Variants in IGSF3 observed in about 807,000 individuals in gnomAD.
IGSF3 encodes the protein glu-Trp-Ile EWI motif-containing protein 3.
In IGSF3, 23 loss-of-function variants were observed where a neutral mutation model predicts 114.4. The observed-to-expected ratio is 0.20, with a 90% CI of 0.14 to 0.28. IGSF3 has a LOEUF of 0.28. Among genes scored for constraint, IGSF3 ranks in the 10% least tolerant of loss-of-function variants. IGSF3 has a pLI of 1.00. For missense variants in IGSF3, 1,172 were observed against 1,591.5 expected (o/e 0.74, Z 4.48); for synonymous variants, 571 against 645.2 (o/e 0.88, Z 1.74).
chr1:116,601,761 T>C (rs1571143600), intron 6 of IGSF3, among the ~76,000 whole-genome samples: 1 of 152,278 alleles, frequency 6.6e-6, no homozygotes, highest in East Asian at 1.9e-4. Context: ...CGGAGGCCCA[T>C]CCTTAAACAT....
At position 116,654,141 on chromosome 1, in the gene IGSF3, C is replaced by T. The variant is rs992203941; in HGVS notation, c.43+12143G>A. Among the ~76,000 whole-genome samples the T allele has an allele frequency of 1.3e-5, 2 of 152,224 alleles. No homozygotes were observed. The highest frequency in any genetic ancestry group is 4.8e-5 in the African/African-American group (2 of 41,458). On this transcript the variant is annotated intron_variant, in intron 2 of 10. Transcript: ENST00000369486. The surrounding 1 kb of genome is among the most constrained non-coding windows in gnomAD (Gnocchi z 4.4). Reference sequence around the variant, plus strand: ...GTGAAGCAGAATTCCCAACACACCACCATCTCCAAACCAACACCAAACCAC... The same window carrying T: ...GTGAAGCAGAATTCCCAACACACCATCATCTCCAAACCAACACCAAACCAC...
At position 116,577,526 on chromosome 1, in the gene IGSF3, G is replaced by T; in HGVS notation, c.3371C>A (p.Ala1124Glu). ...TLQSIICSND[A>E]LFYFVFFYPF... ...GTAGAAGAAGACGAAGTAGAAGAGT[G>T]CGTCGTTGGAGCAGATGATGGACTG... The change falls in exon 11 of 11, where the codon GCA (alanine) becomes GAA (glutamate). Residue 1124 changes from alanine (A) to glutamate (E), a missense_variant. By Grantham distance (107) the Ala-to-Glu change is moderately radical. This residue lies in a region of IGSF3 where 423 missense variants were observed against 509.8 expected (regional missense o/e 0.83). Transcript: ENST00000369486. This position sits in a 1 kb window ranked among gnomAD's most constrained non-coding sequence, Gnocchi z 5.7. 6.2e-7 allele frequency: 1 copy of T among 1,614,026 alleles called. No individual in the cohort carries two copies. The highest frequency in any genetic ancestry group is 8.5e-7 in the Non-Finnish European group (1 of 1,179,896).
chr1:116,639,679 A>G (rs563843600), intron 2 of IGSF3, among the ~76,000 whole-genome samples: 3 of 152,250 alleles, frequency 2.0e-5, no homozygotes, highest in Non-Finnish European at 4.4e-5. Context: ...GGCTTTTTCT[A>G]GCTATAAGTG....
At chr1:116,578,215 G>A (rs748054581) in intron 10 of IGSF3, among the ~76,000 whole-genome samples, 2 of 152,176 alleles carry the variant, frequency 1.3e-5, no homozygotes, top group Admixed American at 6.5e-5. Context: ...CCTAGCCTCT[G>A]GGAGCCCCTG....
At position 116,615,729 on chromosome 1, in the gene IGSF3, C is replaced by T. The variant is rs568200600; in HGVS notation, c.421+351G>A. Among the ~76,000 whole-genome samples the T allele has an allele frequency of 2.2e-4, 33 of 152,372 alleles. No homozygotes were observed. Among genetic ancestry groups the T allele is most frequent in the African/African-American group, 7.9e-4 (33 of 41,586 alleles). ...AAAGGCCTATCCTTCTGAGAGGTTTCTCCTCTCTTCCAACTGATGTCATAC... is the reference window on the plus strand; with the variant it reads ...AAAGGCCTATCCTTCTGAGAGGTTTTTCCTCTCTTCCAACTGATGTCATAC... On this transcript the variant is annotated intron_variant, in intron 3 of 10. Coordinates refer to ENST00000369486, the MANE Select transcript of IGSF3 (RefSeq NM_001007237.3). This position sits in a 1 kb window ranked among gnomAD's most constrained non-coding sequence, Gnocchi z 4.3.
chr1:116,660,798 C>T (rs547031658), intron 2 of IGSF3, among the ~76,000 whole-genome samples: 1 of 152,214 alleles, frequency 6.6e-6, no homozygotes, highest in East Asian at 1.9e-4. Context: ...CACCAGACTG[C>T]CAAAAGGATC....
chr1:116,590,064 G>T (rs12033226), intron 7 of IGSF3, among the ~76,000 whole-genome samples: 3 of 152,122 alleles, frequency 2.0e-5, no homozygotes, highest in Non-Finnish European at 2.9e-5. Context: ...TGCTGCGGGC[G>T]GGGGGAGAGG....
At chr1:116,631,429 T>C (rs1647582612) in intron 2 of IGSF3, among the ~76,000 whole-genome samples, 1 of 151,696 alleles carries the variant, frequency 6.6e-6, no homozygotes, top group Non-Finnish European at 1.5e-5. Flanking sequence ...TTGGGAAGAT[T>C]GTTCTGGCAG....
rs1405244990 is a variant in IGSF3, at chr1:116,577,552, G to C, written c.3345C>G (p.Leu1115=). ...CGTCGTTGGAGCAGATGATGGACTG[G>C]AGGGTGGGACCTGAAAAGAATCATG... ...GIRVLDTSPT[L]QSIICSNDAL... Residue 1115 remains leucine, a synonymous_variant, in exon 11 of 11, where the codon CTC becomes CTG. Coordinates refer to ENST00000369486, the MANE Select transcript of IGSF3 (RefSeq NM_001007237.3). The surrounding 1 kb of genome is among the most constrained non-coding windows in gnomAD (Gnocchi z 5.7). 1 of 1,613,864 alleles carries C rather than the reference G, an allele frequency of 6.2e-7. No homozygotes were observed. Among genetic ancestry groups the C allele is most frequent in the Non-Finnish European group, 8.5e-7 (1 of 1,179,966 alleles).
rs112634353 is a variant in IGSF3 at position 116,628,101 on chromosome 1, T to C, written c.44-11644A>G. On this transcript the variant is annotated intron_variant, in intron 2 of 10. Coordinates refer to ENST00000369486, the MANE Select transcript of IGSF3 (RefSeq NM_001007237.3). This position sits in a 1 kb window ranked among gnomAD's most constrained non-coding sequence, Gnocchi z 4.2. Reference sequence around the variant, plus strand: ...AGCCCCAATAACTAGCTCCAGTGTGTGGGCAGAAGTGGAGAGGATGGAGAA... The same window carrying C: ...AGCCCCAATAACTAGCTCCAGTGTGCGGGCAGAAGTGGAGAGGATGGAGAA... 5.5e-3 allele frequency among the ~76,000 whole-genome samples: 836 copies of C among 152,304 alleles called. 9 individuals are homozygous for C. The highest frequency in any genetic ancestry group is 0.019 in the African/African-American group (786 of 41,560).
Position 116,654,064 on chromosome 1 carries a change from G to A in IGSF3, c.43+12220C>T, listed in dbSNP as rs1355899221. 3.3e-5 allele frequency among the ~76,000 whole-genome samples: 5 copies of A among 152,196 alleles called. No individual in the cohort carries two copies. Among genetic ancestry groups the A allele is most frequent in the East Asian group, 3.9e-4 (2 of 5,192 alleles). ...GGGTTACCTAGTTTGGGGTAAGCCC[G>A]GAATGAATATCTGCACCATCATTCC... On this transcript the variant is annotated intron_variant, in intron 2 of 10. Coordinates refer to ENST00000369486, the MANE Select transcript of IGSF3 (RefSeq NM_001007237.3). This position sits in a 1 kb window ranked among gnomAD's most constrained non-coding sequence, Gnocchi z 4.4.
rs138535687 is a variant in IGSF3 at position 116,589,004 on chromosome 1, G to A, written c.2130C>T (p.Asn710=). 10 of 1,614,120 alleles carry A rather than the reference G, an allele frequency of 6.2e-6. No individual in the cohort carries two copies. In the East Asian group the frequency reaches 2.0e-4, roughly 32 times the overall value. Reference sequence around the variant, plus strand: ...CATACCAGAGCACCGCAAAGTGGGAGTTCTGGCTAGTCTGAGACTTGACTG... The same window carrying A: ...CATACCAGAGCACCGCAAAGTGGGAATTCTGGCTAGTCTGAGACTTGACTG... The part of the protein sequence containing the change: ...NCSVKSQTSQ[N]SHFAVLWYVH... The change falls in exon 8 of 11, where the codon AAC becomes AAT. Residue 710 remains asparagine (N), a synonymous_variant. Coordinates refer to ENST00000369486, the MANE Select transcript of IGSF3 (RefSeq NM_001007237.3). The surrounding 1 kb of genome is among the most constrained non-coding windows in gnomAD (Gnocchi z 5.7).
chr1:116,599,279 C>G (rs1457297835), intron 7 of IGSF3, among the ~76,000 whole-genome samples: 3 of 152,070 alleles, frequency 2.0e-5, no homozygotes, highest in African/African-American at 7.2e-5. Flanking sequence ...ATATCACTTC[C>G]ACATAATTGT....
At chr1:116,591,020 T>TA (rs1177657462) in intron 7 of IGSF3, among the ~76,000 whole-genome samples, 1 of 150,680 alleles carries the variant, frequency 6.6e-6, no homozygotes, top group Admixed American at 6.6e-5. Flanking sequence ...AGGCACCACT[T>TA]AGAGAGAAAT....
At position 116,589,376 on chromosome 1, in the gene IGSF3, C is replaced by T. The variant is rs1659992748; in HGVS notation, c.2030-272G>A. Among the ~76,000 whole-genome samples the T allele has an allele frequency of 6.6e-6, 1 of 152,240 alleles. No homozygotes were observed. Among genetic ancestry groups the T allele is most frequent in the African/African-American group, 2.4e-5 (1 of 41,544 alleles). On this transcript the variant is annotated intron_variant, in intron 7 of 10. Transcript: ENST00000369486. This position sits in a 1 kb window ranked among gnomAD's most constrained non-coding sequence, Gnocchi z 5.7. ...CATCACAGGGCCTCCAAGGGTGATC[C>T]TGCTGAAATACAAATCTAGCTATAT...
Position 116,577,220 on chromosome 1 carries a change from C to T in IGSF3, c.*92G>A. 2.1e-6 allele frequency: 3 copies of T among 1,427,632 alleles called. No individual in the cohort carries two copies. The highest frequency in any genetic ancestry group is 2.1e-5 in the Admixed American group (1 of 48,262). 88.4% of individuals were successfully genotyped at this position (1,427,632 alleles called of 1,614,324 possible). A position where few individuals can be genotyped will look rare whatever the true frequency, so the allele number is the denominator to read the frequency against. On this transcript the variant is annotated 3_prime_UTR_variant, in exon 11 of 11. Coordinates refer to ENST00000369486, the MANE Select transcript of IGSF3 (RefSeq NM_001007237.3). This position sits in a 1 kb window ranked among gnomAD's most constrained non-coding sequence, Gnocchi z 5.7. The stretch of plus-strand genomic sequence containing the variant: ...TCTGACAACTTTCCACACACATGCA[C>T]CCCAGAGTTTGGGTGCTGTCAACTG...
rs565451456 is a variant in IGSF3 at position 116,666,613 on chromosome 1, A to T, written c.-287T>A. ...TCGTGTGCCTTGCAGTTTCCACTGA[A>T]ATTGCAGACTGTAGTGGATTAATCC... On this transcript the variant is annotated 5_prime_UTR_variant, in exon 2 of 11. Transcript: ENST00000369486. 5.0e-6 allele frequency: 3 copies of T among 594,678 alleles called. No homozygotes were observed. The East Asian group carries it at 8.3e-5, about 16-fold the overall frequency. The allele number at this position is 594,678 out of a possible 1,614,324, so 36.8% of individuals were successfully genotyped here.
Position 116,595,835 on chromosome 1 carries a change from T to C in IGSF3, c.2029+4106A>G, listed in dbSNP as rs1660320387. Among the ~76,000 whole-genome samples the C allele has an allele frequency of 6.6e-6, 1 of 152,242 alleles. No individual in the cohort carries two copies. Among genetic ancestry groups the C allele is most frequent in the Non-Finnish European group, 1.5e-5 (1 of 68,044 alleles). On this transcript the variant is annotated intron_variant, in intron 7 of 10. Transcript: ENST00000369486. This position sits in a 1 kb window ranked among gnomAD's most constrained non-coding sequence, Gnocchi z 4.2. ...AAATCAGAAGGAAGCAAGGCAATTATGCTTCACAATTAAAAGAGAAAAGAA... is the reference window on the plus strand; with the variant it reads ...AAATCAGAAGGAAGCAAGGCAATTACGCTTCACAATTAAAAGAGAAAAGAA...
chr1:116,646,304 C>T (rs1361804584), intron 2 of IGSF3, among the ~76,000 whole-genome samples: 2 of 152,148 alleles, frequency 1.3e-5, no homozygotes, highest in African/African-American at 4.8e-5. Flanking sequence ...TCTGGTGAAA[C>T]GCCATTATCG....
Sources: gnomAD v4.1 joint callset for allele counts (sites outside exome capture counted in the v4.1 genomes callset) on GRCh38, gnomAD v4.1.1 for gene constraint, gnomAD v4.1.1 regional missense constraint, Gnocchi (gnomAD v3.1) non-coding constraint, MANE v1.5 for transcripts, NCBI Gene and HGNC (gene_info 2026-07-23, HGNC 2026-07-21) for gene names.